Variants in PPP2R2B observed in about 807,000 individuals in gnomAD.
PPP2R2B encodes protein phosphatase 2 regulatory subunit Bbeta, also known as serine/threonine-protein phosphatase 2A 55 kDa regulatory subunit B beta isoform.
In PPP2R2B, 5 loss-of-function variants were observed where a neutral mutation model predicts 46.0. The ratio of observed to expected loss-of-function variants is 0.11; its 90% CI spans 0.06 to 0.23. The LOEUF (loss-of-function observed/expected upper bound fraction) is 0.23. Ranked by LOEUF, PPP2R2B falls within the 10% of genes least tolerant of loss-of-function variation. The probability of loss-of-function intolerance (pLI) is 1.00; values close to 1 mark genes in which losing one functional copy is unlikely to be tolerated. For synonymous variants in PPP2R2B, 215 were observed against 206.7 expected (o/e 1.04, Z -0.34); for missense variants, 367 against 575.0 (o/e 0.64, Z 3.70).
intron 7 of PPP2R2B, among the ~76,000 whole-genome samples, chr5:146,634,571 G>C (rs955733043): frequency 6.6e-6 from 1 of 152,066 alleles, no homozygotes; most frequent in Non-Finnish European, 1.5e-5. Flanking sequence ...CCAGCCTTGG[G>C]TGATCTGCCC....
chr5:146,626,692 G>A (rs1047388880), intron 7 of PPP2R2B, among the ~76,000 whole-genome samples: 1 of 152,168 alleles, frequency 6.6e-6, no homozygotes, highest in Non-Finnish European at 1.5e-5. Flanking sequence ...CCCAAGGCCA[G>A]AGCCATCTAT....
chr5:146,939,721 T>A (rs1335756611), intron 1 of PPP2R2B, among the ~76,000 whole-genome samples: 1 of 152,222 alleles, frequency 6.6e-6, no homozygotes, highest in Non-Finnish European at 1.5e-5. Flanking sequence ...ATGCATTTGG[T>A]ATTTGTATTT....
chr5:146,950,987 C>A (rs1338384961), intron 1 of PPP2R2B, among the ~76,000 whole-genome samples: 2 of 151,930 alleles, frequency 1.3e-5, no homozygotes, highest in Admixed American at 1.3e-4. Flanking sequence ...TGATGGTATA[C>A]AACCTCAGGT....
chr5:146,844,885 C>T (rs150990597), intron 2 of PPP2R2B, among the ~76,000 whole-genome samples: 2 of 152,326 alleles, frequency 1.3e-5, no homozygotes, highest in East Asian at 3.9e-4. Context: ...ACACAGTGAC[C>T]TGAGGTCAAG....
intron 5 of PPP2R2B, among the ~76,000 whole-genome samples, chr5:146,671,519 T>C (rs1777370039): frequency 6.6e-6 from 1 of 152,224 alleles, no homozygotes; most frequent in South Asian, 2.1e-4. Context: ...TTGCTTCCTA[T>C]AATCATGACA....
intron 1 of PPP2R2B, among the ~76,000 whole-genome samples, chr5:146,976,114 A>ATTATTATTATTG (rs1752892433): frequency 2.7e-5 from 2 of 74,262 alleles, no homozygotes; most frequent in African/African-American, 4.8e-5. Context: ...AAAATTTATT[A>ATTATTATTATTG]TTATTATTAT....
intron 2 of PPP2R2B, among the ~76,000 whole-genome samples, chr5:147,062,840 C>T (rs965751209): frequency 4.6e-5 from 7 of 151,794 alleles, no homozygotes; most frequent in African/African-American, 1.7e-4. Context: ...CTAGCAAAAT[C>T]CACACACCTA....
intron 2 of PPP2R2B, among the ~76,000 whole-genome samples, chr5:146,817,612 G>T (rs1447926878): frequency 6.6e-6 from 1 of 152,096 alleles, no homozygotes; most frequent in Non-Finnish European, 1.5e-5. Context: ...TTGCATAAAA[G>T]TCTCTAACTA....
At position 146,588,493 on chromosome 5, in the gene PPP2R2B, A is replaced by G. The variant is rs1220494959; in HGVS notation, c.*1454T>C. ...TCTCAAACCATTTACCCTGCACTAA[A>G]TGGGAGTTAGGAGAAATGAGTCATC... On this transcript the variant is annotated 3_prime_UTR_variant, in exon 10 of 10. Coordinates refer to ENST00000394411, the MANE Select transcript of PPP2R2B (RefSeq NM_181675.4). 2 of 151,952 alleles carry G rather than the reference A, an allele frequency of 1.3e-5. No individual in the cohort carries two copies. The highest frequency in any genetic ancestry group is 4.8e-5 in the African/African-American group (2 of 41,410). The allele number at this position is 151,952 out of a possible 1,614,324, so 9.4% of individuals were successfully genotyped here.
intron 2 of PPP2R2B, among the ~76,000 whole-genome samples, chr5:146,773,887 A>G (rs979258900): frequency 6.6e-6 from 1 of 152,176 alleles, no homozygotes; most frequent in African/African-American, 2.4e-5. Context: ...TTGACAGCCT[A>G]CCTTCACAGA....
intron 2 of PPP2R2B, among the ~76,000 whole-genome samples, chr5:146,759,996 G>A (rs1228402326): frequency 6.6e-6 from 1 of 152,134 alleles, no homozygotes; most frequent in East Asian, 1.9e-4. Flanking sequence ...GAGAGCATCT[G>A]ATAATCTTAA....
At position 146,588,435 on chromosome 5, in the gene PPP2R2B, A is replaced by AAAG. The variant is rs1476461699; in HGVS notation, c.*1509_*1511dup. On this transcript the variant is annotated 3_prime_UTR_variant, in exon 10 of 10. Transcript: ENST00000394411. ...GGACTTCTAATACATCTGTAAACTG[A>AAAG]AAGAAAATTTCCCTTTCATTGAAAA... The AAAG allele has an allele frequency of 2.6e-5, 4 of 152,316 alleles. No homozygotes were observed. The highest frequency in any genetic ancestry group is 2.9e-5 in the Non-Finnish European group (2 of 68,024). 9.4% of individuals were successfully genotyped at this position (152,316 alleles called of 1,614,324 possible).
intron 2 of PPP2R2B, among the ~76,000 whole-genome samples, chr5:146,729,235 G>A (rs1414825929): frequency 6.6e-6 from 1 of 152,186 alleles, no homozygotes; most frequent in Non-Finnish European, 1.5e-5. Flanking sequence ...TTTTGCCCCT[G>A]CCCTAGAGAT....
chr5:146,966,716 C>T (rs13181792), intron 1 of PPP2R2B, among the ~76,000 whole-genome samples: 78,078 of 151,950 alleles, frequency 0.51, 21,912 homozygotes, highest in Non-Finnish European at 0.64. Flanking sequence ...CCTGGCACAG[C>T]GTAGGAGCAC....
At chr5:146,758,164 G>T (rs1461619687) in intron 2 of PPP2R2B, among the ~76,000 whole-genome samples, 1 of 152,032 alleles carries the variant, frequency 6.6e-6, no homozygotes. Context: ...GCTTTCTCTG[G>T]AGTTACTCAT....
chr5:146,912,378 G>A (rs760092229), intron 1 of PPP2R2B, among the ~76,000 whole-genome samples: 1 of 152,018 alleles, frequency 6.6e-6, no homozygotes, highest in Non-Finnish European at 1.5e-5. Flanking sequence ...ATGAGTGGGA[G>A]GTATACACAT....
At chr5:146,693,134 T>G (rs1490482960) in intron 4 of PPP2R2B, among the ~76,000 whole-genome samples, 3 of 151,148 alleles carry the variant, frequency 2.0e-5, no homozygotes, top group Non-Finnish European at 4.4e-5. Flanking sequence ...CTTCCTTCCC[T>G]CCCTCCCTTT....
chr5:146,902,136 A>G (rs1049528448), intron 1 of PPP2R2B, among the ~76,000 whole-genome samples: 7 of 152,274 alleles, frequency 4.6e-5, no homozygotes, highest in South Asian at 2.1e-4. Flanking sequence ...CAGAATCAAC[A>G]AACACAGACA....
rs1362488023 is a variant in PPP2R2B at position 146,799,006 on chromosome 5, A to C, written c.70+78996T>G. On this transcript the variant is annotated intron_variant, in intron 2 of 9. Coordinates refer to ENST00000394411, the MANE Select transcript of PPP2R2B (RefSeq NM_181675.4). ...ATATATAAAAATAGGTGACAGATAC[A>C]CTGAATACTCCGAGGTGACTTTTTA... Among the ~76,000 whole-genome samples the C allele has an allele frequency of 3.9e-5, 6 of 152,290 alleles. No homozygotes were observed. The East Asian group carries it at 1.2e-3, about 29-fold the overall frequency.
Sources: gnomAD v4.1 joint callset for allele counts (sites outside exome capture counted in the v4.1 genomes callset) on GRCh38, gnomAD v4.1.1 for gene constraint, MANE v1.5 for transcripts, NCBI Gene and HGNC (gene_info 2026-07-23, HGNC 2026-07-21) for gene names.